The following NCK2 variants were observed in gnomAD, a reference collection of about 807,000 sequenced individuals.
NCK2 encodes the protein cytoplasmic protein NCK2.
A neutral mutation model predicts 33.9 loss-of-function variants in NCK2; 16 were observed. That is an observed-to-expected ratio of 0.47 (90% CI 0.32 to 0.72). The LOEUF is 0.72. NCK2 is among the 30% of genes least tolerant of loss of function. NCK2 has a pLI of 0.03. For missense variants in NCK2, 418 were observed against 537.3 expected, an observed-to-expected ratio of 0.78 and a Z score of 2.19; for synonymous variants, 273 against 239.9, an observed-to-expected ratio of 1.14 and a Z score of -1.27.
intron 1 of NCK2, among the ~76,000 whole-genome samples, chr2:105,790,081 G>A (rs1007975772): frequency 2.6e-5 from 4 of 152,216 alleles, no homozygotes; most frequent in Non-Finnish European, 5.9e-5. Context: ...TTTGTGGAAT[G>A]TTACTTCCTA....
chr2:105,805,565 C>G (rs1030567471), intron 1 of NCK2, among the ~76,000 whole-genome samples: 1 of 151,920 alleles, frequency 6.6e-6, no homozygotes, highest in African/African-American at 2.4e-5. Context: ...TACTCATAAC[C>G]AAAATTTTGT....
intron 1 of NCK2, among the ~76,000 whole-genome samples, chr2:105,768,554 G>C (rs536051163): frequency 6.6e-6 from 1 of 152,314 alleles, no homozygotes; most frequent in African/African-American, 2.4e-5. Context: ...ACTCAGAAAG[G>C]CACTTTGCTT....
chr2:105,795,342 A>C (rs1015393663), intron 1 of NCK2, among the ~76,000 whole-genome samples: 6 of 152,144 alleles, frequency 3.9e-5, no homozygotes, highest in African/African-American at 1.4e-4. Context: ...TACTCTATAC[A>C]CTTTTCCCAA....
chr2:105,860,855 A>G (rs962694214), intron 3 of NCK2, among the ~76,000 whole-genome samples: 5 of 147,740 alleles, frequency 3.4e-5, no homozygotes, highest in African/African-American at 1.0e-4. Flanking sequence ...TTGCGACTGC[A>G]ACTTGTGGGG....
intron 4 of NCK2, 92 bp from the exon 5 acceptor site, chr2:105,892,890 G>A: frequency 1.9e-6 from 2 of 1,052,348 alleles, no homozygotes; most frequent in Non-Finnish European, 2.7e-6. Flanking sequence ...AGCAATGGGT[G>A]GTTTGGATTT....
intron 1 of NCK2, among the ~76,000 whole-genome samples, chr2:105,760,003 TTGTCAGGGGACTCCAC>T (rs751676420): frequency 8.5e-5 from 13 of 152,170 alleles, no homozygotes; most frequent in Non-Finnish European, 1.5e-4. Context: ...CAGGTAGTGT[TTGTCAGGGGACTCCAC>T]TGTCAAGTGA....
intron 2 of NCK2, among the ~76,000 whole-genome samples, chr2:105,853,344 T>C (rs901451483): frequency 2.0e-5 from 3 of 152,364 alleles, no homozygotes; most frequent in Admixed American, 2.0e-4. Context: ...AAAATTGACT[T>C]TACTGGATAT....
chr2:105,846,302 A>G (rs1022081340), intron 2 of NCK2, among the ~76,000 whole-genome samples: 43 of 152,130 alleles, frequency 2.8e-4, no homozygotes, highest in African/African-American at 1.0e-3. Context: ...GTTGACTTAG[A>G]GTCTAGTCTG....
chr2:105,844,762 ATATATATGTATGTATG>A (rs1306635442), intron 2 of NCK2, among the ~76,000 whole-genome samples: 3 of 146,814 alleles, frequency 2.0e-5, no homozygotes, highest in Non-Finnish European at 4.5e-5. Context: ...ATATATATAT[ATATATATGTATGTATG>A]TATATATGTA....
intron 1 of NCK2, among the ~76,000 whole-genome samples, chr2:105,803,314 T>TTGCA (rs1272257778): frequency 6.6e-6 from 1 of 152,228 alleles, no homozygotes; most frequent in East Asian, 1.9e-4. Context: ...GCACGTTTTC[T>TTGCA]TGCAGCAGAT....
chr2:105,760,370 G>C (rs1689730158), intron 1 of NCK2, among the ~76,000 whole-genome samples: 1 of 152,182 alleles, frequency 6.6e-6, no homozygotes, highest in Non-Finnish European at 1.5e-5. Flanking sequence ...GGATAGGTTG[G>C]TCTGGAATTC....
At chr2:105,861,846 T>TA (rs1019506792) in intron 3 of NCK2, among the ~76,000 whole-genome samples, 1 of 151,648 alleles carries the variant, frequency 6.6e-6, no homozygotes, top group African/African-American at 2.4e-5. Flanking sequence ...CACCAAGTCT[T>TA]ACCACAAGAA....
At chr2:105,866,355 C>T (rs1677760497) in intron 3 of NCK2, among the ~76,000 whole-genome samples, 1 of 152,180 alleles carries the variant, frequency 6.6e-6, no homozygotes, top group African/African-American at 2.4e-5. Flanking sequence ...TAATCAAGAT[C>T]CTGTTACACA....
At chr2:105,889,687 G>C (rs1307957809) in intron 4 of NCK2, among the ~76,000 whole-genome samples, 1 of 151,142 alleles carries the variant, frequency 6.6e-6, no homozygotes, top group Admixed American at 6.6e-5. Flanking sequence ...GGGCTCAAGT[G>C]ATCCTCCCAC....
intron 2 of NCK2, among the ~76,000 whole-genome samples, chr2:105,830,707 G>A (rs920814194): frequency 7.1e-6 from 1 of 140,512 alleles, no homozygotes; most frequent in African/African-American, 2.7e-5. Context: ...GTGTGTGTGT[G>A]TGTGTGTGTT....
intron 1 of NCK2, among the ~76,000 whole-genome samples, chr2:105,750,092 G>C (rs1327265964): frequency 2.2e-5 from 3 of 134,218 alleles, no homozygotes; most frequent in African/African-American, 7.7e-5. Context: ...AGAATGGGTG[G>C]CTAAAGCTGC....
intron 1 of NCK2, among the ~76,000 whole-genome samples, chr2:105,780,688 C>T (rs369767811): frequency 6.6e-6 from 1 of 152,006 alleles, no homozygotes; most frequent in Non-Finnish European, 1.5e-5. Context: ...GGAGGTGGGG[C>T]CTTTGGGAGG....
At chr2:105,771,387 T>A (rs1690131774) in intron 1 of NCK2, among the ~76,000 whole-genome samples, 1 of 151,778 alleles carries the variant, frequency 6.6e-6, no homozygotes, top group African/African-American at 2.4e-5. Context: ...ACCAACATAG[T>A]GAATCCCCGT....
chr2:105,878,734 A>G (rs143433754), intron 3 of NCK2, among the ~76,000 whole-genome samples: 5 of 152,238 alleles, frequency 3.3e-5, no homozygotes, highest in African/African-American at 1.2e-4. Context: ...GACTAAGAGC[A>G]TGCAGCTCTC....
Sources: gnomAD v4.1 joint callset for allele counts (sites outside exome capture counted in the v4.1 genomes callset) on GRCh38, gnomAD v4.1.1 for gene constraint, MANE v1.5 for transcripts, NCBI Gene and HGNC (gene_info 2026-07-23, HGNC 2026-07-21) for gene names.